Variants in ERI2 observed in about 807,000 individuals in gnomAD.
The protein encoded by ERI2 is ERI1 exoribonuclease family member 2.
Under a neutral mutation model 46.8 loss-of-function variants are expected in ERI2, and 35 were observed. The ratio of observed to expected loss-of-function variants is 0.75; its 90% CI spans 0.57 to 0.99. ERI2 has a LOEUF of 0.99. Among genes scored for constraint, ERI2 ranks in the 50% least tolerant of loss-of-function variants. The pLI is 0.00. For missense variants in ERI2, 695 were observed against 796.2 expected, an observed-to-expected ratio of 0.87 and a Z score of 1.53; for synonymous variants, 224 against 271.0, an observed-to-expected ratio of 0.83 and a Z score of 1.70.
intron 1 of ERI2, 47 bp downstream of exon 1, chr16:20,806,361 G>A (rs781631893): frequency 1.4e-5 from 21 of 1,547,118 alleles, no homozygotes; most frequent in Admixed American, 1.2e-4. Flanking sequence ...CAACGCCAGC[G>A]CTGGACCCGG....
chr16:20,785,866 A>G (rs1264732737), intron 10 of ERI2, among the ~76,000 whole-genome samples: 1 of 152,216 alleles, frequency 6.6e-6, no homozygotes, highest in African/African-American at 2.4e-5. Flanking sequence ...GTTTTGATAA[A>G]TATGGATATA....
At chr16:20,795,410 T>C (rs1404735595), downstream of ERI2, among the ~76,000 whole-genome samples, 3 of 152,244 alleles carry the variant, frequency 2.0e-5, no homozygotes, top group African/African-American at 7.2e-5. Flanking sequence ...GTGAAAAAAT[T>C]ATAACTTCAA....
Position 20,781,874 on chromosome 16 carries a change from G to C in ERI2, c.895-1140C>G, listed in dbSNP as rs1596524398. 8.8e-6 allele frequency: 9 copies of C among 1,020,700 alleles called. No homozygotes were observed. The Admixed American group carries it at 1.9e-4, about 21-fold the overall frequency. The allele number at this position is 1,020,700 out of a possible 1,614,324, so 63.2% of individuals were successfully genotyped here. A position where few individuals can be genotyped will look rare whatever the true frequency, so the allele number is the denominator to read the frequency against. ...AAAAGATCTTTCTGCCTGAAACATA[G>C]CTCCAAGCCAGTAGACACAGGATTT... On this transcript the variant is annotated intron_variant, in intron 10 of 10. Coordinates refer to the ERI2 transcript ENST00000300005.
chr16:20,798,220 AG>A lies in ERI2; in HGVS notation c.1579del (p.Leu527PhefsTer39). ...ATTCCTTTTGGTACCACCTGAAAGA[AG>A]AGGATGTTTCCCCAAAACTAAAGGA... Reference protein sequence around the residue: ...SHPLVLGKHPLLSGGTKRNPC... With the variant: ...SHPLVLGKHPXLSGGTKRNPC... On this transcript the variant is annotated frameshift_variant, in exon 9 of 9. Transcript: ENST00000357967. LOFTEE classifies it high-confidence loss of function. 20 of 1,551,666 alleles carry A rather than the reference AG, an allele frequency of 1.3e-5. No homozygotes were observed. Among genetic ancestry groups the A allele is most frequent in the Non-Finnish European group, 1.7e-5 (20 of 1,146,936 alleles).
chr16:20,789,694 T>TA, intron 9 of ERI2: 1 of 627,916 alleles, frequency 1.6e-6, no homozygotes, highest in East Asian at 2.8e-5. Context: ...CTTTTTTTTT[T>TA]TTTTTTTTTG....
downstream of ERI2, chr16:20,791,930 A>G: frequency 6.5e-7 from 1 of 1,533,188 alleles, no homozygotes; most frequent in African/African-American, 1.4e-5. Flanking sequence ...TGTCTCGGAA[A>G]AAAAAAAAAA....
chr16:20,793,730 A>T (rs1029366639), downstream of ERI2, among the ~76,000 whole-genome samples: 3 of 152,220 alleles, frequency 2.0e-5, no homozygotes, highest in Non-Finnish European at 2.9e-5. Flanking sequence ...GGGCAGGGAA[A>T]ACAGTCAGTG....
chr16:20,789,564 A>G, intron 9 of ERI2: 1 of 1,592,316 alleles, frequency 6.3e-7, no homozygotes, highest in East Asian at 2.2e-5. Context: ...ACAGCTAAAC[A>G]AAGTTTGAAA....
chr16:20,797,074 C>A lies in ERI2; in HGVS notation c.*650G>T. ...AGGTCATAAAAACTGTGGTAGTATGCTTAGAAACTGTTGATTTAAAATATC... is the reference window on the plus strand; with the variant it reads ...AGGTCATAAAAACTGTGGTAGTATGATTAGAAACTGTTGATTTAAAATATC... On this transcript the variant is annotated 3_prime_UTR_variant, in exon 9 of 9. Transcript: ENST00000357967. 2 of 1,453,610 alleles carry A rather than the reference C, an allele frequency of 1.4e-6. No homozygotes were observed. Among genetic ancestry groups the A allele is most frequent in the Non-Finnish European group, 1.8e-6 (2 of 1,107,372 alleles). 90.0% of individuals were successfully genotyped at this position (1,453,610 alleles called of 1,614,324 possible). A position where few individuals can be genotyped will look rare whatever the true frequency, so the allele number is the denominator to read the frequency against.
chr16:20,792,627 C>G, downstream of ERI2: 2 of 985,358 alleles, frequency 2.0e-6, no homozygotes, highest in Non-Finnish European at 2.4e-6. Context: ...AACCCAGGCT[C>G]ACGTCAGGAT....
chr16:20,803,734 T>C lies in ERI2; in HGVS notation c.24-64A>G. The C allele has an allele frequency of 1.9e-6, 3 of 1,544,160 alleles. No homozygotes were observed. The South Asian group carries it at 3.4e-5, about 18-fold the overall frequency. On this transcript the variant is annotated intron_variant, in intron 1 of 8. Transcript: ENST00000357967. ...CATTCACACTCCTGTTTGAGTAGGC[T>C]ACCAAACTAATGGTACTGGGCAACA...
Position 20,803,527 on chromosome 16 carries a change from T to A in ERI2, c.92-11A>T, listed in dbSNP as rs538665650. On this transcript the variant is annotated splice_polypyrimidine_tract_variant and intron_variant, in intron 2 of 8. Coordinates refer to ENST00000357967, the MANE Select transcript of ERI2 (RefSeq NM_001142725.2). ...AGTCAAACAACTGCTCTGCAAAAGA[T>A]CAAGTTGTTCTTATGCTTTACCAGT... is the stretch of plus-strand genomic sequence containing the variant. 1.2e-6 allele frequency: 2 copies of A among 1,613,820 alleles called. No homozygotes were observed. The highest frequency in any genetic ancestry group is 4.5e-5 in the East Asian group (2 of 44,880).
Position 20,798,956 on chromosome 16 carries a change from C to T in ERI2, c.844G>A (p.Glu282Lys). 1 of 1,550,506 alleles carries T rather than the reference C, an allele frequency of 6.4e-7. No homozygotes were observed. Among genetic ancestry groups the T allele is most frequent in the South Asian group, 1.2e-5 (1 of 83,582 alleles). ...TGAGGATTTATTATATTTTTAGGCTCCTTATTATATATGCTGGGACCCTGG... is the reference window on the plus strand; with the variant it reads ...TGAGGATTTATTATATTTTTAGGCTTCTTATTATATATGCTGGGACCCTGG... ...SIQGPSIYNK[E>K]PKNIINPHEK... The change falls in exon 9 of 9, where the codon GAG (glutamate) becomes AAG (lysine). Residue 282 changes from glutamate to lysine, a missense_variant. Physicochemically the swap from Glu to Lys is moderately conservative, Grantham distance 56. Coordinates refer to ENST00000357967, the MANE Select transcript of ERI2 (RefSeq NM_001142725.2).
chr16:20,800,414 A>C lies in ERI2; in HGVS notation c.461-12T>G. Reference sequence around the variant, plus strand: ...CCCCAAGTCCCAGTCTGCATTAGGTACATTAAAATAGAACAAAGTCAATGA... The same window carrying C: ...CCCCAAGTCCCAGTCTGCATTAGGTCCATTAAAATAGAACAAAGTCAATGA... On this transcript the variant is annotated splice_polypyrimidine_tract_variant and intron_variant, in intron 5 of 8. Coordinates refer to ENST00000357967, the MANE Select transcript of ERI2 (RefSeq NM_001142725.2). 1.2e-5 allele frequency: 19 copies of C among 1,524,044 alleles called. No homozygotes were observed. Among genetic ancestry groups the C allele is most frequent in the Non-Finnish European group, 1.6e-5 (18 of 1,113,722 alleles). The allele number at this position is 1,524,044 out of a possible 1,614,324, so 94.4% of individuals were successfully genotyped here. A position where few individuals can be genotyped will look rare whatever the true frequency, so the allele number is the denominator to read the frequency against.
exon 11 of ERI2, chr16:20,780,652 T>C: frequency 6.2e-7 from 1 of 1,613,784 alleles, no homozygotes; most frequent in Non-Finnish European, 8.5e-7. Context: ...TCAAAATTTT[T>C]CAGTGGTAAC....
intron 9 of ERI2, chr16:20,789,690 T>C (rs1031425129): frequency 9.0e-5 from 55 of 613,546 alleles, no homozygotes; most frequent in African/African-American, 3.6e-4. Flanking sequence ...TTTTCTTTTT[T>C]TTTTTTTTTT....
In ERI2 at chr16:20,797,202, C is replaced by A. The variant is rs985226925; in HGVS notation, c.*522G>T. The stretch of plus-strand genomic sequence containing the variant: ...ATCATTTCTTAATATAAAAATAATA[C>A]CATCAATTGCTGATTAATTTTTAAA... On this transcript the variant is annotated 3_prime_UTR_variant, in exon 9 of 9. Coordinates refer to ENST00000357967, the MANE Select transcript of ERI2 (RefSeq NM_001142725.2). 6 of 1,234,814 alleles carry A rather than the reference C, an allele frequency of 4.9e-6. No homozygotes were observed. In the African/African-American group the frequency reaches 6.3e-5, roughly 13 times the overall value. 76.5% of individuals were successfully genotyped at this position (1,234,814 alleles called of 1,614,324 possible). A position where few individuals can be genotyped will look rare whatever the true frequency, so the allele number is the denominator to read the frequency against.
At chr16:20,792,741 T>G (rs1481407865), downstream of ERI2, 2 of 984,802 alleles carry the variant, frequency 2.0e-6, no homozygotes, top group African/African-American at 3.5e-5. Context: ...GCATCAGATG[T>G]CAGAAGTGGG....
downstream of ERI2, chr16:20,796,108 G>A (rs372560330): frequency 2.4e-5 from 9 of 368,184 alleles, no homozygotes; most frequent in Middle Eastern, 7.7e-4. Flanking sequence ...CAAACTCAGC[G>A]TGACTACTGT....
Sources: gnomAD v4.1 joint callset for allele counts (sites outside exome capture counted in the v4.1 genomes callset) on GRCh38, gnomAD v4.1.1 for gene constraint, MANE v1.5 for transcripts, NCBI Gene and HGNC (gene_info 2026-07-23, HGNC 2026-07-21) for gene names.